Variants in XRN1 observed in about 807,000 individuals in gnomAD.
XRN1 encodes strand-exchange protein 1 homolog.
XRN1 carries 67 observed loss-of-function variants against 222.3 expected under a neutral mutation model. The observed-to-expected ratio is 0.30, with a 90% confidence interval of 0.25 to 0.37. The LOEUF is 0.37. XRN1 is among the 10% of genes least tolerant of loss of function. The pLI is 1.00. For missense variants in XRN1, 1,707 were observed against 2,000.2 expected, an observed-to-expected ratio of 0.85 and a Z score of 2.80; for synonymous variants, 643 against 652.4, an observed-to-expected ratio of 0.99 and a Z score of 0.22.
In XRN1 at chr3:142,447,830, G is replaced by T; in HGVS notation, c.75+40C>A. The T allele has an allele frequency of 6.2e-7, 1 of 1,609,764 alleles. No individual in the cohort carries two copies. Among genetic ancestry groups the T allele is most frequent in the South Asian group, 1.1e-5 (1 of 90,882 alleles). On this transcript the variant is annotated intron_variant, in intron 1 of 40. Coordinates refer to ENST00000392981, the MANE Select transcript of XRN1 (RefSeq NM_001282857.2). This position sits in a 1 kb window ranked among gnomAD's most constrained non-coding sequence, Gnocchi z 4.2. ...AGGTGGAGAGGGCCGCGGAGCCCCG[G>T]GTCCTCGGCTTTCTGAGCCGTTGCC...
intron 35 of XRN1, 46 bp downstream of exon 35, chr3:142,332,921 C>G: frequency 6.2e-7 from 1 of 1,604,110 alleles, no homozygotes; most frequent in Non-Finnish European, 8.5e-7. Context: ...GCATGGTCAA[C>G]AGTCGAGAAA....
rs185713888 is a variant in XRN1 at position 142,422,078 on chromosome 3, C to T, written c.967+504G>A. 1.2e-3 allele frequency among the ~76,000 whole-genome samples: 184 copies of T among 152,280 alleles called. 2 individuals carry two copies. The highest frequency in any genetic ancestry group is 4.3e-3 in the African/African-American group (177 of 41,552). On this transcript the variant is annotated intron_variant, in intron 8 of 40. Transcript: ENST00000392981. ...GCAAAGATTAGACCGGGTGTGGTGGCTCATGCCTGTAATCCCAGCACTTTG... is the reference window on the plus strand; with the variant it reads ...GCAAAGATTAGACCGGGTGTGGTGGTTCATGCCTGTAATCCCAGCACTTTG...
At chr3:142,432,109 T>C (rs1387704636) in intron 2 of XRN1, among the ~76,000 whole-genome samples, 2 of 107,462 alleles carry the variant, frequency 1.9e-5, no homozygotes, top group African/African-American at 8.4e-5. Flanking sequence ...ACATTATATA[T>C]AAATATATAA....
intron 29 of XRN1, among the ~76,000 whole-genome samples, chr3:142,363,745 T>G (rs2066728195): frequency 6.6e-6 from 1 of 152,192 alleles, no homozygotes; most frequent in Non-Finnish European, 1.5e-5. Flanking sequence ...AACTTTGTCC[T>G]TCTTTTTCAA....
At chr3:142,392,565 A>C (rs1054399369) in intron 20 of XRN1, among the ~76,000 whole-genome samples, 1 of 151,862 alleles carries the variant, frequency 6.6e-6, no homozygotes, top group Non-Finnish European at 1.5e-5. Context: ...ATGAGTGAGA[A>C]TATGCGGTGT....
Position 142,375,836 on chromosome 3 carries a change from T to C in XRN1, c.2940A>G (p.Ser980=). The C allele has an allele frequency of 6.2e-7, 1 of 1,613,964 alleles. No homozygotes were observed. The change falls in exon 25 of 41, where the codon TCA becomes TCG. Residue 980 remains serine (S), a synonymous_variant. Transcript: ENST00000392981. ...TKKVGSEWMY[S]SAAEQLLAEY... Reference sequence around the variant, plus strand: ...CTGCCAGAAGTTGTTCTGCTGCAGATGAATACATCCATTCACTTCCAACTT... The same window carrying C: ...CTGCCAGAAGTTGTTCTGCTGCAGACGAATACATCCATTCACTTCCAACTT...
Position 142,309,842 on chromosome 3 carries a change from C to G in XRN1, c.*1669G>C, listed in dbSNP as rs748765640. On this transcript the variant is annotated 3_prime_UTR_variant, in exon 41 of 41. Transcript: ENST00000392981. ...CACAATTTAACTTTTCTTTGTATTACCATAATAGATGTTTCCTTTAAAAAC... is the reference window on the plus strand; with the variant it reads ...CACAATTTAACTTTTCTTTGTATTAGCATAATAGATGTTTCCTTTAAAAAC... 6.6e-6 allele frequency: 1 copy of G among 152,030 alleles called. No individual in the cohort carries two copies. Among genetic ancestry groups the G allele is most frequent in the Non-Finnish European group, 1.5e-5 (1 of 68,006 alleles). The allele number at this position is 152,030 out of a possible 1,614,324, so 9.4% of individuals were successfully genotyped here.
At chr3:142,422,386 G>C (rs566928312) in intron 8 of XRN1, among the ~76,000 whole-genome samples, 196 bp downstream of exon 8, 9 of 152,262 alleles carry the variant, frequency 5.9e-5, no homozygotes, top group African/African-American at 2.2e-4. Context: ...ATTGAGGTTC[G>C]TTAACTCTGT....
chr3:142,364,496 T>C (rs1251483418), intron 29 of XRN1, among the ~76,000 whole-genome samples: 1 of 152,208 alleles, frequency 6.6e-6, no homozygotes, highest in Non-Finnish European at 1.5e-5. Context: ...TAATGTGAAC[T>C]GTATGCACAC....
At chr3:142,408,695 C>G (rs2068447620) in intron 15 of XRN1, among the ~76,000 whole-genome samples, 1 of 152,130 alleles carries the variant, frequency 6.6e-6, no homozygotes, top group Non-Finnish European at 1.5e-5. Flanking sequence ...CTTTCCCCTC[C>G]TCTTGGTAAA....
intron 10 of XRN1, among the ~76,000 whole-genome samples, chr3:142,420,771 T>C (rs991409765): frequency 4.6e-5 from 7 of 152,268 alleles, no homozygotes; most frequent in Admixed American, 2.6e-4. Context: ...GTTTTCCACA[T>C]TTATTAACAT....
intron 19 of XRN1, among the ~76,000 whole-genome samples, chr3:142,397,723 C>T (rs1179452966): frequency 1.3e-5 from 2 of 152,020 alleles, no homozygotes; most frequent in Admixed American, 1.3e-4. Flanking sequence ...TTGGTTAATA[C>T]AAAGTTAGAT....
At chr3:142,445,222 T>TAG (rs1322264320) in intron 1 of XRN1, among the ~76,000 whole-genome samples, 8 of 152,176 alleles carry the variant, frequency 5.3e-5, no homozygotes, top group African/African-American at 1.7e-4. Flanking sequence ...ACTTCTAACT[T>TAG]TCTCTGTCAT....
intron 2 of XRN1, among the ~76,000 whole-genome samples, chr3:142,429,004 A>T (rs1196190489): frequency 1.3e-5 from 2 of 152,194 alleles, no homozygotes; most frequent in Non-Finnish European, 2.9e-5. Flanking sequence ...CAAGGAGACT[A>T]AGAAAGTACA....
At chr3:142,378,099 G>T (rs2067195242) in intron 23 of XRN1, among the ~76,000 whole-genome samples, 1 of 152,146 alleles carries the variant, frequency 6.6e-6, no homozygotes, top group Non-Finnish European at 1.5e-5. Flanking sequence ...GCAATAGCTG[G>T]TTGATTGTGA....
intron 27 of XRN1, among the ~76,000 whole-genome samples, chr3:142,366,117 A>G (rs1274368018): frequency 3.9e-5 from 6 of 152,190 alleles, no homozygotes; most frequent in African/African-American, 1.4e-4. Context: ...GCCTCCTTCC[A>G]TCTGTAAGAT....
At chr3:142,445,088 G>A (rs1284733317) in intron 1 of XRN1, among the ~76,000 whole-genome samples, 2 of 151,740 alleles carry the variant, frequency 1.3e-5, no homozygotes, top group Non-Finnish European at 2.9e-5. Context: ...ACTTTTTCTT[G>A]AATCTTTTAA....
intron 1 of XRN1, among the ~76,000 whole-genome samples, chr3:142,433,321 T>C (rs1159107632): frequency 1.3e-5 from 2 of 152,188 alleles, no homozygotes; most frequent in African/African-American, 4.8e-5. Context: ...CTGAAACATT[T>C]AACATATGAT....
chr3:142,324,093 T>A (rs2065443991), intron 37 of XRN1, among the ~76,000 whole-genome samples: 1 of 151,922 alleles, frequency 6.6e-6, no homozygotes. Context: ...CAGTTTTTTT[T>A]TTATTATTTT....
Sources: gnomAD v4.1 joint callset for allele counts (sites outside exome capture counted in the v4.1 genomes callset) on GRCh38, gnomAD v4.1.1 for gene constraint, Gnocchi (gnomAD v3.1) non-coding constraint, MANE v1.5 for transcripts, NCBI Gene and HGNC (gene_info 2026-07-23, HGNC 2026-07-21) for gene names.